GLIS1: variants seen among roughly 807,000 people sequenced by gnomAD.
GLIS1 encodes the protein GLIS family zinc finger 1.
Under a neutral mutation model 63.8 loss-of-function variants are expected in GLIS1, and 24 were observed. The ratio of observed to expected loss-of-function variants is 0.38; its 90% confidence interval spans 0.27 to 0.53. The LOEUF is 0.53. GLIS1 is among the 20% of genes least tolerant of loss of function. The pLI is 0.85. For synonymous variants in GLIS1, 450 were observed against 482.5 expected, an observed-to-expected ratio of 0.93 and a Z score of 0.88; for missense variants, 1,036 against 1,074.1, an observed-to-expected ratio of 0.96 and a Z score of 0.50.
rs144200047 is a variant in GLIS1, at chr1:53,545,641, A to T, written c.1321-15689T>A. Reference sequence around the variant, plus strand: ...ATTTCTGAGTGGTGTAGTTAGGGATAACTTTTCCTTTTTTCCTTACATTTC... The same window carrying T: ...ATTTCTGAGTGGTGTAGTTAGGGATTACTTTTCCTTTTTTCCTTACATTTC... On this transcript the variant is annotated intron_variant, in intron 4 of 10. Transcript: ENST00000628545. Among the ~76,000 whole-genome samples the T allele has an allele frequency of 4.3e-3, 655 of 152,318 alleles. 9 individuals are homozygous for T. Among genetic ancestry groups the T allele is most frequent in the African/African-American group, 0.015 (610 of 41,558 alleles).
At chr1:53,513,632 C>A (rs1452035620) in intron 8 of GLIS1, among the ~76,000 whole-genome samples, 1 of 152,200 alleles carries the variant, frequency 6.6e-6, no homozygotes, top group African/African-American at 2.4e-5. Context: ...TTCCTTGCCG[C>A]ACACCACTGG....
At chr1:53,507,365 A>G (rs1484074892) in intron 10 of GLIS1, among the ~76,000 whole-genome samples, 1 of 152,132 alleles carries the variant, frequency 6.6e-6, no homozygotes, top group East Asian at 1.9e-4. Flanking sequence ...CAGTGTGAGT[A>G]AGGGGTGGAG....
At chr1:53,708,272 G>C (rs767425090) in intron 2 of GLIS1, among the ~76,000 whole-genome samples, 3 of 151,896 alleles carry the variant, frequency 2.0e-5, no homozygotes, top group Non-Finnish European at 4.4e-5. Flanking sequence ...ACAGCAGAGG[G>C]AGACTTCATC....
intron 2 of GLIS1, among the ~76,000 whole-genome samples, chr1:53,703,639 TA>T (rs59555116): frequency 0.056 from 4,047 of 71,658 alleles, 79 homozygotes; most frequent in Middle Eastern, 0.11. Flanking sequence ...ACCCTGTCTC[TA>T]AAAAAAAAAA....
intron 2 of GLIS1, among the ~76,000 whole-genome samples, chr1:53,618,723 C>T (rs2100590844): frequency 6.6e-6 from 1 of 152,286 alleles, no homozygotes; most frequent in South Asian, 2.1e-4. Context: ...GCTGCTGCTG[C>T]CAACATTGCC....
chr1:53,593,068 A>C (rs186835586), intron 4 of GLIS1, among the ~76,000 whole-genome samples: 125 of 152,354 alleles, frequency 8.2e-4, no homozygotes, highest in African/African-American at 3.0e-3. Context: ...TGGGTGTCCA[A>C]TGACAGTGTT....
chr1:53,540,217 C>T (rs1644629115), intron 4 of GLIS1, among the ~76,000 whole-genome samples: 1 of 152,228 alleles, frequency 6.6e-6, no homozygotes, highest in Non-Finnish European at 1.5e-5. Context: ...CCCGCCCACA[C>T]AGCCAAGCGG....
Position 53,549,033 on chromosome 1 carries a change from C to T in GLIS1, c.1321-19081G>A, listed in dbSNP as rs1644733502. ...GACACATCACGTAAGTTGAATCATG[C>T]AATCTGTGGTCTTTAGTGACTGGCT... On this transcript the variant is annotated intron_variant, in intron 4 of 10. Transcript: ENST00000628545. Among the ~76,000 whole-genome samples, 3 of 152,220 alleles carry T rather than the reference C, an allele frequency of 2.0e-5. No homozygotes were observed. The South Asian group carries it at 6.2e-4, about 32-fold the overall frequency.
intron 2 of GLIS1, among the ~76,000 whole-genome samples, chr1:53,618,906 G>A (rs1645510520): frequency 1.3e-5 from 2 of 152,188 alleles, no homozygotes; most frequent in South Asian, 2.1e-4. Context: ...GTCCTACCCT[G>A]GCTCTTAACT....
Position 53,594,543 on chromosome 1 carries a change from G to A in GLIS1, c.885C>T (p.Ala295=). The A allele has an allele frequency of 6.2e-7, 1 of 1,605,058 alleles. No individual in the cohort carries two copies. The highest frequency in any genetic ancestry group is 8.5e-7 in the Non-Finnish European group (1 of 1,173,548). The change falls in exon 4 of 11, where the codon GCC becomes GCT. Residue 295 remains alanine (A), a synonymous_variant. Transcript: ENST00000628545. ...TGDLGGPSKR[A]RPGPASTDSH... Reference sequence around the variant, plus strand: ...TGTCCGTCGATGCAGGGCCAGGCCGGGCCCGCTTGGAAGGGCCCCCCAGAT... The same window carrying A: ...TGTCCGTCGATGCAGGGCCAGGCCGAGCCCGCTTGGAAGGGCCCCCCAGAT...
chr1:53,611,443 G>A lies in GLIS1; in HGVS notation c.260-11165C>T, dbSNP rs547918506. Among the ~76,000 whole-genome samples the A allele has an allele frequency of 1.5e-4, 23 of 152,182 alleles. 1 individual carries two copies. The highest frequency in any genetic ancestry group is 2.0e-4 in the Admixed American group (3 of 15,276). On this transcript the variant is annotated intron_variant, in intron 2 of 10. Coordinates refer to ENST00000628545, the MANE Select transcript of GLIS1 (RefSeq NM_001367484.1). ...GATAACACCAACATCTGGACTACTT[G>A]TGTGTTTTTATTGTGTTTTTCTCCC...
rs141059586 is a variant in GLIS1, at chr1:53,582,500, G to A, written c.1320+11608C>T. On this transcript the variant is annotated intron_variant, in intron 4 of 10. Transcript: ENST00000628545. ...GTGACCTCCAGCAGGTCACCTCTCC[G>A]CCCTGGGTCTCAAGGCCCCATCTGT... Among the ~76,000 whole-genome samples, 672 of 152,268 alleles carry A rather than the reference G, an allele frequency of 4.4e-3. 6 individuals carry two copies. The highest frequency in any genetic ancestry group is 0.015 in the African/African-American group (638 of 41,540).
intron 2 of GLIS1, among the ~76,000 whole-genome samples, chr1:53,632,574 G>GCATGTGAATGAGTGTGACTGAGGGA (rs1557492003): frequency 6.0e-5 from 9 of 150,018 alleles, no homozygotes; most frequent in Non-Finnish European, 1.2e-4. Context: ...TGACTGAGGG[G>GCATGTGAATGAGTGTGACTGAGGGA]CATGTGAATG....
intron 2 of GLIS1, among the ~76,000 whole-genome samples, chr1:53,716,223 A>C (rs760793955): frequency 1.3e-5 from 2 of 152,180 alleles, no homozygotes; most frequent in African/African-American, 4.8e-5. Context: ...GCACCATTTG[A>C]CAGACAGCTA....
chr1:53,536,277 G>T (rs963915392), intron 4 of GLIS1, among the ~76,000 whole-genome samples: 1 of 152,116 alleles, frequency 6.6e-6, no homozygotes, highest in African/African-American at 2.4e-5. Flanking sequence ...TGAGGGCAGG[G>T]GGTACCCAGG....
At chr1:53,567,662 G>A (rs1468881327) in intron 4 of GLIS1, among the ~76,000 whole-genome samples, 2 of 152,334 alleles carry the variant, frequency 1.3e-5, no homozygotes, top group East Asian at 3.9e-4. Context: ...GGGCCCTGCT[G>A]CTTTGTACAG....
At chr1:53,545,784 T>C (rs1332087366) in intron 4 of GLIS1, among the ~76,000 whole-genome samples, 1 of 152,250 alleles carries the variant, frequency 6.6e-6, no homozygotes, top group Non-Finnish European at 1.5e-5. Flanking sequence ...CATGGACAGA[T>C]TTAGTCACAA....
Position 53,539,280 on chromosome 1 carries a change from TCACA to T in GLIS1, c.1321-9332_1321-9329del, listed in dbSNP as rs71722107. On this transcript the variant is annotated intron_variant, in intron 4 of 10. Coordinates refer to ENST00000628545, the MANE Select transcript of GLIS1 (RefSeq NM_001367484.1). This position sits in a 1 kb window ranked among gnomAD's most constrained non-coding sequence, Gnocchi z 5.0. ...CACACACCAAGACCCAGAAACTCCC[TCACA>T]CACACACACACACACTACACCTAAA... Among the ~76,000 whole-genome samples the T allele has an allele frequency of 0.39, 58,055 of 147,858 alleles. 12,634 individuals carry two copies. Among genetic ancestry groups the T allele is most frequent in the Middle Eastern group, 0.5 (146 of 292 alleles).
chr1:53,687,496 T>C (rs12405116), intron 2 of GLIS1, among the ~76,000 whole-genome samples: 17,672 of 152,090 alleles, frequency 0.12, 1,218 homozygotes, highest in East Asian at 0.23. Context: ...CAATAACTCC[T>C]CATGGAAGAC....
Sources: gnomAD v4.1 joint callset for allele counts (sites outside exome capture counted in the v4.1 genomes callset) on GRCh38, gnomAD v4.1.1 for gene constraint, Gnocchi (gnomAD v3.1) non-coding constraint, MANE v1.5 for transcripts, NCBI Gene and HGNC (gene_info 2026-07-23, HGNC 2026-07-21) for gene names.